Variants in MARCHF1 observed in about 807,000 individuals in gnomAD.
MARCHF1 encodes membrane associated ring-CH-type finger 1.
MARCHF1 carries 40 observed loss-of-function variants against 54.2 expected under a neutral mutation model. The observed-to-expected ratio is 0.74, with a 90% CI of 0.57 to 0.96. The LOEUF is 0.96. MARCHF1 is among the 40% of genes least tolerant of loss of function. The probability of loss-of-function intolerance (pLI) is 0.00; values close to 1 mark genes in which losing one functional copy is unlikely to be tolerated. For synonymous variants in MARCHF1, 236 were observed against 236.3 expected, an observed-to-expected ratio of 1.00 and a Z score of 0.01; for missense variants, 586 against 656.5, an observed-to-expected ratio of 0.89 and a Z score of 1.17.
chr4:163,757,307 A>C (rs148355926), intron 4 of MARCHF1, among the ~76,000 whole-genome samples: 97 of 152,320 alleles, frequency 6.4e-4, no homozygotes, highest in Admixed American at 2.0e-3. Flanking sequence ...AGAACCGTGA[A>C]ACTAGGAAAA....
At position 163,821,017 on chromosome 4, in the gene MARCHF1, C is replaced by A. The variant is rs142757678; in HGVS notation, c.111+33004G>T. On this transcript the variant is annotated intron_variant, in intron 4 of 9. Transcript: ENST00000514618. ...GCTTGTTAACTTCCTCTACACTGTCCCGCATGGTCCTGGCTCCACCTCTCT... is the reference window on the plus strand; with the variant it reads ...GCTTGTTAACTTCCTCTACACTGTCACGCATGGTCCTGGCTCCACCTCTCT... 2.6e-3 allele frequency among the ~76,000 whole-genome samples: 401 copies of A among 152,184 alleles called. 1 individual carries two copies. Among genetic ancestry groups the A allele is most frequent in the African/African-American group, 9.0e-3 (372 of 41,552 alleles).
At chr4:164,191,104 CATA>C (rs1003236711) in intron 1 of MARCHF1, among the ~76,000 whole-genome samples, 1 of 152,174 alleles carries the variant, frequency 6.6e-6, no homozygotes, top group Non-Finnish European at 1.5e-5. Flanking sequence ...GTGATTGGAT[CATA>C]ATAATAATTT....
At chr4:163,835,863 A>G (rs1010058175) in intron 4 of MARCHF1, among the ~76,000 whole-genome samples, 2 of 37,812 alleles carry the variant, frequency 5.3e-5, no homozygotes, top group Non-Finnish European at 1.1e-4. Context: ...CTATAATTAG[A>G]AATAGATTGT....
intron 4 of MARCHF1, among the ~76,000 whole-genome samples, chr4:163,831,216 A>G (rs1197361699): frequency 1.3e-5 from 2 of 152,058 alleles, no homozygotes; most frequent in African/African-American, 2.4e-5. Flanking sequence ...TCTGAACTGA[A>G]TTTTCTCTCT....
intron 7 of MARCHF1, among the ~76,000 whole-genome samples, chr4:163,590,214 T>C (rs73870612): frequency 0.014 from 2,097 of 150,440 alleles, 58 homozygotes; most frequent in African/African-American, 0.048. Flanking sequence ...ACTGGTAGAA[T>C]CATATTTTTT....
At chr4:163,999,587 AC>A (rs1159511471) in intron 2 of MARCHF1, among the ~76,000 whole-genome samples, 2 of 151,220 alleles carry the variant, frequency 1.3e-5, no homozygotes, top group African/African-American at 4.8e-5. Context: ...CATATACCTC[AC>A]ATCAAAACTG....
chr4:163,722,983 G>T (rs1387158077), intron 4 of MARCHF1, among the ~76,000 whole-genome samples: 2 of 152,108 alleles, frequency 1.3e-5, no homozygotes, highest in Non-Finnish European at 2.9e-5. Flanking sequence ...TATCCAATTT[G>T]CCAGTCTGTG....
chr4:163,893,619 T>C lies in MARCHF1; in HGVS notation c.-38-39450A>G, dbSNP rs182852876. Among the ~76,000 whole-genome samples, 555 of 152,308 alleles carry C rather than the reference T, an allele frequency of 3.6e-3. 2 individuals carry two copies. Among genetic ancestry groups the C allele is most frequent in the Middle Eastern group, 6.8e-3 (2 of 294 alleles). ...AGTAAATGATTATTAAAAATTTAAA[T>C]GTCTTCCCCATTTTTGAATAGATAA... On this transcript the variant is annotated intron_variant, in intron 3 of 9. Transcript: ENST00000514618.
chr4:163,840,481 C>T (rs745508460), intron 4 of MARCHF1, among the ~76,000 whole-genome samples: 1 of 152,046 alleles, frequency 6.6e-6, no homozygotes, highest in Non-Finnish European at 1.5e-5. Context: ...TACAACTGAT[C>T]CCAGCACTCA....
At chr4:163,823,289 A>G (rs1384240604) in intron 4 of MARCHF1, among the ~76,000 whole-genome samples, 2 of 151,844 alleles carry the variant, frequency 1.3e-5, no homozygotes, top group Non-Finnish European at 2.9e-5. Flanking sequence ...AGATGAAAAA[A>G]CTAAATATAA....
rs1986441 is a variant in MARCHF1 at position 164,016,669 on chromosome 4, A to C, written c.-247-27960T>G. On this transcript the variant is annotated intron_variant, in intron 2 of 9. Coordinates refer to ENST00000514618, the MANE Select transcript of MARCHF1 (RefSeq NM_001394959.1). Reference sequence around the variant, plus strand: ...CTAGAGGCTGGGAAGGATGCTGTGGAGGGGAGAATAAAGACAGGATGGTTA... The same window carrying C: ...CTAGAGGCTGGGAAGGATGCTGTGGCGGGGAGAATAAAGACAGGATGGTTA... 9.8e-3 allele frequency among the ~76,000 whole-genome samples: 1,490 copies of C among 152,182 alleles called. 17 individuals are homozygous for C. Among genetic ancestry groups the C allele is most frequent in the African/African-American group, 0.033 (1,367 of 41,544 alleles).
intron 1 of MARCHF1, among the ~76,000 whole-genome samples, chr4:164,340,405 T>TTTTATATA (rs1327005165): frequency 0.058 from 5,547 of 95,364 alleles, 943 homozygotes; most frequent in Non-Finnish European, 0.089. Flanking sequence ...AGGCCTTGAT[T>TTTTATATA]TATATATAGA....
intron 4 of MARCHF1, among the ~76,000 whole-genome samples, chr4:163,749,526 C>T (rs1746458212): frequency 6.6e-6 from 1 of 151,860 alleles, no homozygotes; most frequent in South Asian, 2.1e-4. Flanking sequence ...ATGCAGTTTG[C>T]CTTTACCACC....
chr4:164,125,471 T>C (rs1287342537), intron 1 of MARCHF1, among the ~76,000 whole-genome samples: 10 of 152,102 alleles, frequency 6.6e-5, no homozygotes, highest in African/African-American at 2.2e-4. Flanking sequence ...GAATGTAAAA[T>C]AGGAAATCCA....
chr4:164,128,115 A>G (rs941384656), intron 1 of MARCHF1, among the ~76,000 whole-genome samples: 4 of 152,192 alleles, frequency 2.6e-5, no homozygotes, highest in Admixed American at 2.0e-4. Flanking sequence ...AAATCAATTA[A>G]AATTGGATCT....
At chr4:164,059,007 T>C (rs1352424603) in intron 2 of MARCHF1, among the ~76,000 whole-genome samples, 2 of 152,196 alleles carry the variant, frequency 1.3e-5, no homozygotes, top group African/African-American at 4.8e-5. Context: ...ATATCTGAAA[T>C]ACCAACAGCC....
chr4:163,796,261 C>G (rs1458654348), intron 4 of MARCHF1, among the ~76,000 whole-genome samples: 1 of 123,200 alleles, frequency 8.1e-6, no homozygotes, highest in Non-Finnish European at 1.6e-5. Flanking sequence ...GAGCCTGGCT[C>G]TGTCACACAG....
Position 164,190,881 on chromosome 4 carries a change from C to G in MARCHF1, c.-322-79219G>C, listed in dbSNP as rs932302621. On this transcript the variant is annotated intron_variant, in intron 1 of 9. Transcript: ENST00000514618. ...CACATTACTGAGCTAGCCACCTGGG[C>G]ATGTCTCTTGAAATCATGGTACCCC... 5.3e-5 allele frequency among the ~76,000 whole-genome samples: 8 copies of G among 152,146 alleles called. No homozygotes were observed. In the South Asian group the frequency reaches 8.3e-4, roughly 16 times the overall value.
At chr4:164,078,197 A>G (rs1352736474) in intron 2 of MARCHF1, among the ~76,000 whole-genome samples, 1 of 152,238 alleles carries the variant, frequency 6.6e-6, no homozygotes, top group Non-Finnish European at 1.5e-5. Flanking sequence ...AATACTATGC[A>G]GCCATAAGAA....
Sources: gnomAD v4.1 joint callset for allele counts (sites outside exome capture counted in the v4.1 genomes callset) on GRCh38, gnomAD v4.1.1 for gene constraint, MANE v1.5 for transcripts, NCBI Gene and HGNC (gene_info 2026-07-23, HGNC 2026-07-21) for gene names.